Variants in CTNNA3 observed in about 807,000 individuals in gnomAD.
CTNNA3 encodes the protein catenin alpha 3.
CTNNA3 carries 76 observed loss-of-function variants against 95.7 expected under a neutral mutation model. The ratio of observed to expected loss-of-function variants is 0.79; its 90% CI spans 0.66 to 0.96. The LOEUF (loss-of-function observed/expected upper bound fraction) is 0.96. CTNNA3 is among the 40% of genes least tolerant of loss of function. The probability of loss-of-function intolerance (pLI) is 0.00; values close to 1 mark genes in which losing one functional copy is unlikely to be tolerated. For synonymous variants in CTNNA3, 431 were observed against 374.4 expected (o/e 1.15, Z -1.74); for missense variants, 1,191 against 1,089.8 (o/e 1.09, Z -1.31).
At position 66,266,125 on chromosome 10, in the gene CTNNA3, AAAGAAGGAAGGAAGG is replaced by A. The variant is rs1228411013; in HGVS notation, c.1884+14330_1884+14344del. 1.1e-4 allele frequency among the ~76,000 whole-genome samples: 12 copies of A among 109,640 alleles called. No individual in the cohort carries two copies. In the East Asian group the frequency reaches 3.3e-3, roughly 31 times the overall value. 71.9% of individuals were successfully genotyped at this position (109,640 alleles called of 152,430 possible). On this transcript the variant is annotated intron_variant, in intron 13 of 17. Coordinates refer to ENST00000433211, the MANE Select transcript of CTNNA3 (RefSeq NM_013266.4). ...AGAGGGAGGAAGGAAGGAAGGAAGG[AAAGAAGGAAGGAAGG>A]AAAGAAGGAAGGAAGGAAAGAAGGA...
At chr10:67,080,767 G>C (rs562335871) in intron 7 of CTNNA3, among the ~76,000 whole-genome samples, 1 of 152,064 alleles carries the variant, frequency 6.6e-6, no homozygotes, top group South Asian at 2.1e-4. Context: ...AAATTAGCCC[G>C]GCGTGGTGGC....
chr10:67,270,601 T>A (rs1403163306), intron 5 of CTNNA3, among the ~76,000 whole-genome samples: 3 of 152,176 alleles, frequency 2.0e-5, no homozygotes, highest in Non-Finnish European at 4.4e-5. Context: ...TTAAGCTTCC[T>A]AAAGAATAAT....
At chr10:66,659,528 A>G (rs2132438056) in intron 9 of CTNNA3, among the ~76,000 whole-genome samples, 1 of 152,320 alleles carries the variant, frequency 6.6e-6, no homozygotes, top group East Asian at 1.9e-4. Context: ...TTAAATGCCG[A>G]AAGTGGAGCT....
At chr10:66,180,704 T>C (rs953303356) in intron 13 of CTNNA3, among the ~76,000 whole-genome samples, 1 of 152,168 alleles carries the variant, frequency 6.6e-6, no homozygotes, top group Non-Finnish European at 1.5e-5. Flanking sequence ...TCTGAAAAGA[T>C]TATTCTGAGA....
chr10:67,123,189 A>C (rs1269114650), intron 7 of CTNNA3, among the ~76,000 whole-genome samples: 1 of 151,962 alleles, frequency 6.6e-6, no homozygotes, highest in Non-Finnish European at 1.5e-5. Context: ...TGAAATTTTA[A>C]GTAGGCAAAA....
At chr10:66,202,269 C>G (rs1204166474) in intron 13 of CTNNA3, among the ~76,000 whole-genome samples, 1 of 152,172 alleles carries the variant, frequency 6.6e-6, no homozygotes, top group Non-Finnish European at 1.5e-5. Flanking sequence ...TCTCAGTACA[C>G]CGTGAACTAA....
At chr10:67,589,201 G>A (rs1195564374) in intron 3 of CTNNA3, among the ~76,000 whole-genome samples, 1 of 152,028 alleles carries the variant, frequency 6.6e-6, no homozygotes, top group East Asian at 1.9e-4. Flanking sequence ...ATTTGGAAAC[G>A]CTATTTGATT....
chr10:66,973,880 C>T (rs1360796479), intron 7 of CTNNA3, among the ~76,000 whole-genome samples: 1 of 152,156 alleles, frequency 6.6e-6, no homozygotes, highest in Non-Finnish European at 1.5e-5. Context: ...CCTCGGCCTC[C>T]CAAAGTGCTG....
intron 10 of CTNNA3, among the ~76,000 whole-genome samples, chr10:66,536,750 G>A (rs1379615326): frequency 2.0e-5 from 3 of 152,064 alleles, no homozygotes; most frequent in African/African-American, 7.2e-5. Flanking sequence ...AAAAATGGAT[G>A]ATAGAGTAGA....
At chr10:66,820,851 C>A (rs1410101226) in intron 7 of CTNNA3, among the ~76,000 whole-genome samples, 2 of 151,914 alleles carry the variant, frequency 1.3e-5, no homozygotes, top group Non-Finnish European at 2.9e-5. Context: ...TACAAAAAGT[C>A]TTCTAGAAAT....
At chr10:66,461,345 G>T (rs972253698) in intron 11 of CTNNA3, among the ~76,000 whole-genome samples, 1 of 152,090 alleles carries the variant, frequency 6.6e-6, no homozygotes, top group Non-Finnish European at 1.5e-5. Context: ...AATTGCATGG[G>T]CAGTAGAAAC....
At chr10:66,244,714 T>C (rs894258042) in intron 13 of CTNNA3, among the ~76,000 whole-genome samples, 1 of 152,190 alleles carries the variant, frequency 6.6e-6, no homozygotes, top group Non-Finnish European at 1.5e-5. Context: ...CAGATACAGC[T>C]TAAATCACAA....
At chr10:66,481,442 A>C (rs1298185542) in intron 11 of CTNNA3, among the ~76,000 whole-genome samples, 3 of 151,134 alleles carry the variant, frequency 2.0e-5, no homozygotes, top group Non-Finnish European at 3.0e-5. Flanking sequence ...AACAAAGCAA[A>C]AACCTTATTC....
At chr10:67,461,459 A>G (rs180991153) in intron 5 of CTNNA3, among the ~76,000 whole-genome samples, 1 of 152,156 alleles carries the variant, frequency 6.6e-6, no homozygotes, top group African/African-American at 2.4e-5. Flanking sequence ...GATAAAGAAA[A>G]GTGAAAAATT....
intron 11 of CTNNA3, among the ~76,000 whole-genome samples, chr10:66,431,123 C>T (rs914006184): frequency 6.6e-6 from 1 of 151,846 alleles, no homozygotes; most frequent in African/African-American, 2.4e-5. Context: ...GACATTTATG[C>T]AGCCTACAGA....
chr10:67,439,299 A>C (rs1846413415), intron 5 of CTNNA3, among the ~76,000 whole-genome samples: 1 of 152,168 alleles, frequency 6.6e-6, no homozygotes, highest in African/African-American at 2.4e-5. Context: ...TGAAAATTTT[A>C]TAAAGAAAAG....
At chr10:65,938,934 G>T (rs145175993) in intron 17 of CTNNA3, among the ~76,000 whole-genome samples, 1 of 150,364 alleles carries the variant, frequency 6.7e-6, no homozygotes. Flanking sequence ...ACGGAGTCTC[G>T]CTCTGTCGCC....
chr10:66,926,504 G>A (rs1477290266), intron 7 of CTNNA3: 4 of 1,544,128 alleles, frequency 2.6e-6, no homozygotes, highest in Non-Finnish European at 2.7e-6. Flanking sequence ...TCACTACAGT[G>A]CAGCTGACAG....
intron 7 of CTNNA3, among the ~76,000 whole-genome samples, chr10:67,071,503 G>GT (rs755653014): frequency 0.018 from 2,007 of 108,780 alleles, 49 homozygotes; most frequent in African/African-American, 0.071. Context: ...GCTCTTTAAA[G>GT]TTTTTTTTGT....
Sources: allele counts gnomAD v4.1 joint callset (sites outside exome capture counted in the v4.1 genomes callset), GRCh38; gene constraint gnomAD v4.1.1; transcripts MANE v1.5; gene names NCBI Gene and HGNC (gene_info 2026-07-23, HGNC 2026-07-21).